NAV2: variants seen among roughly 807,000 people sequenced by gnomAD.
NAV2 encodes the protein neuron navigator 2.
In NAV2, 54 loss-of-function variants were observed where a neutral mutation model predicts 223.2. The observed-to-expected ratio is 0.24, with a 90% CI of 0.19 to 0.30. NAV2 has a LOEUF of 0.30. NAV2 is among the 10% of genes least tolerant of loss of function. The pLI is 1.00. For synonymous variants in NAV2, 1,279 were observed against 1,239.3 expected, an observed-to-expected ratio of 1.03 and a Z score of -0.67; for missense variants, 2,806 against 3,147.5, an observed-to-expected ratio of 0.89 and a Z score of 2.60.
At chr11:19,377,946 A>C (rs567324781) in intron 1 of NAV2, among the ~76,000 whole-genome samples, 2 of 152,198 alleles carry the variant, frequency 1.3e-5, no homozygotes, top group East Asian at 1.9e-4. Flanking sequence ...AAGTGTGGGA[A>C]GGTTCATTTG....
rs369951059 is a variant in NAV2, at chr11:19,843,640, C to CA, written c.438+725dup. ...AACAAATTTCAAGCATGAATATTTA[C>CA]AAAAAAAAGTATATTTTCAGAGTCT... On this transcript the variant is annotated intron_variant, in intron 3 of 37. Transcript: ENST00000349880. 1.6e-3 allele frequency among the ~76,000 whole-genome samples: 230 copies of CA among 147,050 alleles called. No individual in the cohort carries two copies. In the Middle Eastern group the frequency reaches 0.028, roughly 18 times the overall value.
chr11:19,436,570 C>T (rs896646012), intron 1 of NAV2, among the ~76,000 whole-genome samples: 8 of 151,904 alleles, frequency 5.3e-5, no homozygotes, highest in Admixed American at 3.3e-4. Flanking sequence ...TGGGGTCTCT[C>T]ATGGTTCCAT....
At position 20,054,193 on chromosome 11, in the gene NAV2, C is replaced by G; in HGVS notation, c.4595C>G (p.Ser1532Cys). ...GCCAATTCCCCCTTTTCCTCTGGCT[C>G]CAGCGTGACTTCTCCCTCCGGAACA... ...TAANSPFSSGSSVTSPSGTRF... is the reference protein window; with the variant it reads ...TAANSPFSSGCSVTSPSGTRF... Residue 1532 changes from serine (S) to cysteine (C), a missense_variant, in exon 18 of 38, where the codon TCC becomes TGC. Physicochemically the swap from Ser to Cys is moderately radical, Grantham distance 112. This residue lies in a region of NAV2 where 742 missense variants were observed against 777.9 expected (regional missense o/e 0.95). Coordinates refer to ENST00000349880, the MANE Select transcript of NAV2 (RefSeq NM_145117.5). 1.2e-6 allele frequency: 2 copies of G among 1,613,290 alleles called. No homozygotes were observed. Among genetic ancestry groups the G allele is most frequent in the Non-Finnish European group, 1.7e-6 (2 of 1,179,872 alleles).
chr11:19,702,863 ATATT>A (rs1219528360), intron 1 of NAV2, among the ~76,000 whole-genome samples: 1 of 149,682 alleles, frequency 6.7e-6, no homozygotes, highest in African/African-American at 2.4e-5. Flanking sequence ...ACAAATGAGA[ATATT>A]TATTTGAAAA....
chr11:19,517,295 G>A (rs1379815189), intron 1 of NAV2, among the ~76,000 whole-genome samples: 2 of 152,136 alleles, frequency 1.3e-5, no homozygotes, highest in African/African-American at 4.8e-5. Context: ...CTCCTTTGGG[G>A]CATTTATCTC....
chr11:19,541,915 G>A (rs1012488714), intron 1 of NAV2, among the ~76,000 whole-genome samples: 2 of 152,182 alleles, frequency 1.3e-5, no homozygotes, highest in Admixed American at 1.3e-4. Flanking sequence ...AATTGCCTTT[G>A]GCTGGAAAGG....
At chr11:19,888,932 T>C (rs543877028) in intron 5 of NAV2, among the ~76,000 whole-genome samples, 2 of 152,268 alleles carry the variant, frequency 1.3e-5, no homozygotes, top group South Asian at 4.2e-4. Flanking sequence ...ACTTCACGTA[T>C]TTTACCAATA....
chr11:19,536,687 C>T (rs1331289850), intron 1 of NAV2, among the ~76,000 whole-genome samples: 1 of 152,206 alleles, frequency 6.6e-6, no homozygotes, highest in African/African-American at 2.4e-5. Flanking sequence ...GTCATATACC[C>T]AACTGGTGGG....
chr11:20,008,542 C>A (rs973948247), intron 11 of NAV2, among the ~76,000 whole-genome samples: 1 of 152,306 alleles, frequency 6.6e-6, no homozygotes, highest in African/African-American at 2.4e-5. Context: ...CCATCAGCAT[C>A]TTAAGCTTGA....
intron 1 of NAV2, among the ~76,000 whole-genome samples, chr11:19,680,313 C>T (rs2048848440): frequency 6.6e-6 from 1 of 152,232 alleles, no homozygotes; most frequent in African/African-American, 2.4e-5. Context: ...GCCCATGAGT[C>T]AGGGGCTCGG....
intron 1 of NAV2, among the ~76,000 whole-genome samples, chr11:19,745,667 G>A (rs769479107): frequency 2.0e-5 from 3 of 152,108 alleles, no homozygotes; most frequent in African/African-American, 4.8e-5. Flanking sequence ...ATATGGTTTC[G>A]GGATGAAACT....
intron 3 of NAV2, among the ~76,000 whole-genome samples, chr11:19,860,946 A>G (rs2061733080): frequency 6.7e-6 from 1 of 149,948 alleles, no homozygotes; most frequent in Non-Finnish European, 1.5e-5. Flanking sequence ...CAGGAGAATC[A>G]GGCAGGGAGG....
chr11:19,903,997 C>T (rs899863023), intron 6 of NAV2, among the ~76,000 whole-genome samples: 25 of 152,188 alleles, frequency 1.6e-4, no homozygotes, highest in Admixed American at 1.4e-3. Context: ...TTCACAAAGC[C>T]GTCCACCCAC....
intron 1 of NAV2, among the ~76,000 whole-genome samples, chr11:19,677,073 C>T (rs922126265): frequency 1.3e-5 from 2 of 152,206 alleles, no homozygotes; most frequent in Non-Finnish European, 2.9e-5. Context: ...TCAACTTGGC[C>T]TTGTGAAGTG....
intron 1 of NAV2, among the ~76,000 whole-genome samples, chr11:19,722,012 C>T (rs940555958): frequency 1.3e-5 from 2 of 152,156 alleles, no homozygotes; most frequent in Non-Finnish European, 2.9e-5. Flanking sequence ...AAACAAAGTC[C>T]TGCCTGAATA....
intron 6 of NAV2, among the ~76,000 whole-genome samples, chr11:19,915,242 G>T (rs2043701826): frequency 6.6e-6 from 1 of 152,304 alleles, no homozygotes; most frequent in South Asian, 2.1e-4. Context: ...GTTTTCAGTG[G>T]GGCACTGGGG....
intron 1 of NAV2, among the ~76,000 whole-genome samples, chr11:19,407,777 T>G (rs940736293): frequency 1.3e-5 from 2 of 151,664 alleles, no homozygotes; most frequent in African/African-American, 4.8e-5. Context: ...ATTTTGTGTG[T>G]CCCGGGCTTT....
chr11:19,729,868 G>A (rs963557913), intron 1 of NAV2, among the ~76,000 whole-genome samples: 11 of 152,266 alleles, frequency 7.2e-5, no homozygotes, highest in African/African-American at 2.4e-4. Flanking sequence ...GTCTTCACTG[G>A]ATCAGGAAGA....
chr11:19,813,282 A>C (rs1053653418), intron 1 of NAV2, among the ~76,000 whole-genome samples: 1 of 152,144 alleles, frequency 6.6e-6, no homozygotes, highest in South Asian at 2.1e-4. Context: ...GTTGGAAAGC[A>C]TGTAAGGTTT....
Sources: gnomAD v4.1 joint callset for allele counts (sites outside exome capture counted in the v4.1 genomes callset) on GRCh38, gnomAD v4.1.1 for gene constraint, gnomAD v4.1.1 regional missense constraint, MANE v1.5 for transcripts, NCBI Gene and HGNC (gene_info 2026-07-23, HGNC 2026-07-21) for gene names.